Variants in DSCAML1 observed in about 807,000 individuals in gnomAD.
DSCAML1 encodes the protein DS cell adhesion molecule like 1.
A neutral mutation model predicts 200.5 loss-of-function variants in DSCAML1; 38 were observed. The observed-to-expected ratio is 0.19, with a 90% CI of 0.15 to 0.25. The LOEUF is 0.25. Ranked by LOEUF, DSCAML1 falls within the 10% of genes least tolerant of loss-of-function variation. The probability of loss-of-function intolerance (pLI) is 1.00; values close to 1 mark genes in which losing one functional copy is unlikely to be tolerated. For missense variants in DSCAML1, 2,223 were observed against 2,858.8 expected (o/e 0.78, Z 5.07); for synonymous variants, 1,215 against 1,165.0 (o/e 1.04, Z -0.87).
chr11:117,544,551 CCTG>C (rs139084590), intron 3 of DSCAML1, among the ~76,000 whole-genome samples: 88 of 152,294 alleles, frequency 5.8e-4, no homozygotes, highest in Non-Finnish European at 1.1e-3. Context: ...TTTGGTTCCA[CCTG>C]CTGATGGTGA....
intron 3 of DSCAML1, among the ~76,000 whole-genome samples, chr11:117,775,131 C>T (rs565000220): frequency 6.6e-6 from 1 of 152,296 alleles, no homozygotes; most frequent in Admixed American, 6.5e-5. Context: ...GGGCTTCTCC[C>T]AGGGTATGCC....
At chr11:117,454,031 T>C (rs536408684) in intron 19 of DSCAML1, among the ~76,000 whole-genome samples, 1 of 152,280 alleles carries the variant, frequency 6.6e-6, no homozygotes, top group East Asian at 1.9e-4. Flanking sequence ...TGTGTGACAA[T>C]AGAGTTTGTA....
At chr11:117,602,902 C>G (rs1414867757) in intron 3 of DSCAML1, among the ~76,000 whole-genome samples, 2 of 151,878 alleles carry the variant, frequency 1.3e-5, no homozygotes, top group Non-Finnish European at 2.9e-5. Flanking sequence ...AGTTCAAGAC[C>G]AGTCTGGGCA....
intron 1 of DSCAML1, among the ~76,000 whole-genome samples, chr11:117,781,159 C>T (rs556404033): frequency 6.6e-6 from 1 of 151,954 alleles, no homozygotes; most frequent in Non-Finnish European, 1.5e-5. Context: ...TAGCCGTGCA[C>T]ACGCGTCTGT....
intron 3 of DSCAML1, among the ~76,000 whole-genome samples, chr11:117,714,055 C>G (rs1054592801): frequency 5.9e-5 from 9 of 152,164 alleles, no homozygotes; most frequent in Admixed American, 2.6e-4. Flanking sequence ...TTCCTGAGTC[C>G]GCGTTTCTGC....
chr11:117,461,701 G>T, intron 17 of DSCAML1, 105 bp from the exon 18 acceptor site: 1 of 1,138,978 alleles, frequency 8.8e-7, no homozygotes, highest in Non-Finnish European at 1.3e-6. Context: ...CCAGAGGAGC[G>T]TCCAGTTAGA....
At chr11:117,707,940 T>C (rs2053783235) in intron 3 of DSCAML1, among the ~76,000 whole-genome samples, 1 of 152,184 alleles carries the variant, frequency 6.6e-6, no homozygotes, top group Non-Finnish European at 1.5e-5. Context: ...GTCCTCTCTA[T>C]CCCTCAGAGG....
At chr11:117,644,721 C>A (rs1015682820) in intron 3 of DSCAML1, among the ~76,000 whole-genome samples, 9 of 152,230 alleles carry the variant, frequency 5.9e-5, no homozygotes, top group African/African-American at 9.6e-5. Context: ...GGGGACCCCC[C>A]CTCTGGCAAT....
intron 2 of DSCAML1, 41 bp from the exon 3 acceptor site, chr11:117,776,978 A>G: frequency 6.2e-7 from 1 of 1,609,558 alleles, no homozygotes; most frequent in Non-Finnish European, 8.5e-7. Context: ...GAGTGTCACA[A>G]GGATGTGGTG....
chr11:117,739,673 A>G (rs547253507), intron 3 of DSCAML1, among the ~76,000 whole-genome samples: 1 of 152,260 alleles, frequency 6.6e-6, no homozygotes, highest in Non-Finnish European at 1.5e-5. Flanking sequence ...GCACTGTACG[A>G]CTCAAAGGCA....
chr11:117,525,117 GC>G, intron 4 of DSCAML1, 34 bp from the exon 5 acceptor site: 1 of 1,492,366 alleles, frequency 6.7e-7, no homozygotes, highest in Non-Finnish European at 8.9e-7. Context: ...GCCCTGGCCA[GC>G]CCTGGGTGGG....
chr11:117,659,661 G>A (rs1477527046), intron 3 of DSCAML1, among the ~76,000 whole-genome samples: 1 of 152,112 alleles, frequency 6.6e-6, no homozygotes, highest in African/African-American at 2.4e-5. Context: ...GACTGCTCTG[G>A]GCCAGTATCA....
At chr11:117,561,929 G>T (rs771497272) in intron 3 of DSCAML1, among the ~76,000 whole-genome samples, 2 of 152,364 alleles carry the variant, frequency 1.3e-5, no homozygotes, top group Non-Finnish European at 2.9e-5. Flanking sequence ...TCAACTGGTA[G>T]ATGTGGCATG....
chr11:117,806,514 C>A (rs1031777016), intron 1 of DSCAML1, among the ~76,000 whole-genome samples: 3 of 152,218 alleles, frequency 2.0e-5, no homozygotes. Context: ...GTCCTGGACT[C>A]CTACTAATAA....
intron 1 of DSCAML1, among the ~76,000 whole-genome samples, chr11:117,788,644 C>G (rs1415133608): frequency 2.6e-5 from 4 of 152,158 alleles, no homozygotes. Context: ...TTCTTTGTAG[C>G]ATTTGTTTTG....
rs1555172719 is a variant in DSCAML1 at position 117,467,193 on chromosome 11, A to ACAC, written c.3025-2012_3025-2011insGTG. Reference sequence around the variant, plus strand: ...CGCGCACGCATGCGCGTGCACACACACCTCCCCCCTCCCCCCGCCGCCAAT... The same window carrying ACAC: ...CGCGCACGCATGCGCGTGCACACACACACCCTCCCCCCTCCCCCCGCCGCCAAT... On this transcript the variant is annotated intron_variant, in intron 16 of 32. Transcript: ENST00000651296. 2.1e-3 allele frequency among the ~76,000 whole-genome samples: 234 copies of ACAC among 109,424 alleles called. 11 individuals are homozygous for ACAC. Among genetic ancestry groups the ACAC allele is most frequent in the Admixed American group, 5.2e-3 (51 of 9,814 alleles). 71.8% of individuals were successfully genotyped at this position (109,424 alleles called of 152,430 possible).
At chr11:117,796,216 C>A (rs549645266) in intron 1 of DSCAML1, among the ~76,000 whole-genome samples, 1 of 152,196 alleles carries the variant, frequency 6.6e-6, no homozygotes, top group Non-Finnish European at 1.5e-5. Context: ...CTGGACATGC[C>A]GGACACCTGG....
intron 3 of DSCAML1, among the ~76,000 whole-genome samples, chr11:117,623,630 G>A (rs545416927): frequency 6.6e-6 from 1 of 152,314 alleles, no homozygotes; most frequent in East Asian, 1.9e-4. Context: ...AACAGAGCCA[G>A]TTTCCTTGCC....
At chr11:117,799,076 C>T (rs1240875416), upstream of DSCAML1, among the ~76,000 whole-genome samples, 1 of 152,120 alleles carries the variant, frequency 6.6e-6, no homozygotes, top group African/African-American at 2.4e-5. Context: ...AAGCCATGAG[C>T]CTTCCCCGAG....
Sources: allele counts gnomAD v4.1 joint callset (sites outside exome capture counted in the v4.1 genomes callset), GRCh38; gene constraint gnomAD v4.1.1; transcripts MANE v1.5; gene names NCBI Gene and HGNC (gene_info 2026-07-23, HGNC 2026-07-21).